PCLO: variants seen among roughly 807,000 people sequenced by gnomAD.
PCLO encodes the protein piccolo presynaptic cytomatrix protein, also known as protein piccolo.
PCLO carries 82 observed loss-of-function variants against 427.5 expected under a neutral mutation model. The ratio of observed to expected loss-of-function variants is 0.19; its 90% CI spans 0.16 to 0.23. The LOEUF (loss-of-function observed/expected upper bound fraction) is 0.23, where lower values mean the gene tolerates loss of function less well. PCLO is among the 10% of genes least tolerant of loss of function. The pLI is 1.00. For missense variants in PCLO, 6,239 were observed against 6,115.9 expected (o/e 1.02, Z -0.67); for synonymous variants, 2,357 against 2,155.4 (o/e 1.09, Z -2.59).
At chr7:82,968,835 T>C (rs1372439175) in intron 3 of PCLO, among the ~76,000 whole-genome samples, 3 of 152,108 alleles carry the variant, frequency 2.0e-5, no homozygotes, top group Non-Finnish European at 4.4e-5. Context: ...CCTGACTTTT[T>C]AAAACACAAA....
At chr7:82,817,658 T>C (rs1271573267) in intron 20 of PCLO, among the ~76,000 whole-genome samples, 3 of 152,164 alleles carry the variant, frequency 2.0e-5, no homozygotes, top group Non-Finnish European at 4.4e-5. Context: ...ATGAGCTTTA[T>C]TGAAAGCGGA....
Position 82,954,086 on chromosome 7 carries a change from A to C in PCLO, c.6867T>G (p.Val2289=). 1 of 1,613,868 alleles carries C rather than the reference A, an allele frequency of 6.2e-7. No individual in the cohort carries two copies. Among genetic ancestry groups the C allele is most frequent in the Non-Finnish European group, 8.5e-7 (1 of 1,179,842 alleles). Residue 2289 remains valine (V), a synonymous_variant, in exon 5 of 25, where the codon GTT becomes GTG. Transcript: ENST00000333891. ...PKPEGPVADT[V]STDLLISEKD... ...TTTCAGATATAAGTAAGTCAGTAGA[A>C]ACAGTGTCAGCAACTGGCCCTTCAG...
intron 3 of PCLO, among the ~76,000 whole-genome samples, chr7:83,053,717 T>C (rs910325927): frequency 6.6e-6 from 1 of 151,958 alleles, no homozygotes; most frequent in Non-Finnish European, 1.5e-5. Context: ...CTAATTATTC[T>C]GAGTTTTCAA....
chr7:82,914,574 A>C (rs1794397584), intron 7 of PCLO, 112 bp downstream of exon 7: 1 of 1,055,422 alleles, frequency 9.5e-7, no homozygotes, highest in Non-Finnish European at 1.4e-6. Flanking sequence ...GTAAACATGC[A>C]AAAGACACAC....
At chr7:82,981,717 A>C (rs574274186) in intron 3 of PCLO, among the ~76,000 whole-genome samples, 6 of 152,192 alleles carry the variant, frequency 3.9e-5, no homozygotes, top group African/African-American at 1.2e-4. Flanking sequence ...TAAAAAAAGG[A>C]GTTATGATGG....
At chr7:83,094,050 T>C (rs992279106) in intron 3 of PCLO, among the ~76,000 whole-genome samples, 18 of 151,994 alleles carry the variant, frequency 1.2e-4, no homozygotes, top group Admixed American at 9.8e-4. Context: ...TATAGCCATG[T>C]GTTGCTTTTT....
At chr7:82,898,976 C>T (rs182775909) in intron 9 of PCLO, among the ~76,000 whole-genome samples, 22 of 151,396 alleles carry the variant, frequency 1.5e-4, no homozygotes, top group African/African-American at 4.1e-4. Context: ...AAGATACACT[C>T]AGTGGTAATT....
In PCLO at chr7:82,915,294, G is replaced by A; in HGVS notation, c.12692C>T (p.Ser4231Phe). 1 of 1,613,616 alleles carries A rather than the reference G, an allele frequency of 6.2e-7. No homozygotes were observed. Among genetic ancestry groups the A allele is most frequent in the Non-Finnish European group, 8.5e-7 (1 of 1,179,716 alleles). ...TSSTSSIGGI[S>F]SRARLLQDDI... ...ATCTTGAAGGAGCCTTGCCCTGGAG[G>A]AAATGCCACCAATAGATGAAGTGCT... is the stretch of plus-strand genomic sequence containing the variant. Residue 4231 changes from serine (S) to phenylalanine (F), a missense_variant, in exon 7 of 25, where the codon TCC becomes TTC. Ser to Phe is a radical substitution (Grantham distance 155). This residue lies in a region of PCLO where 680 missense variants were observed against 677.3 expected (regional missense o/e 1.00). Coordinates refer to ENST00000333891, the MANE Select transcript of PCLO (RefSeq NM_033026.6).
At chr7:82,983,158 G>A (rs1167940542) in intron 3 of PCLO, among the ~76,000 whole-genome samples, 1 of 150,968 alleles carries the variant, frequency 6.6e-6, no homozygotes. Context: ...TTCACATTGA[G>A]TACAAAAAAT....
intron 7 of PCLO, among the ~76,000 whole-genome samples, chr7:82,912,572 T>C (rs1794349201): frequency 6.6e-6 from 1 of 152,034 alleles, no homozygotes; most frequent in South Asian, 2.1e-4. Flanking sequence ...TATTTTAGTT[T>C]AATTTCATTT....
intron 3 of PCLO, among the ~76,000 whole-genome samples, chr7:83,076,147 T>A (rs1789945799): frequency 6.6e-6 from 1 of 152,040 alleles, no homozygotes; most frequent in Admixed American, 6.6e-5. Context: ...AACTCATACC[T>A]TTCGCAAGTC....
intron 10 of PCLO, 54 bp downstream of exon 10, chr7:82,879,283 G>GAGTGCA: frequency 7.2e-7 from 1 of 1,396,114 alleles, no homozygotes; most frequent in South Asian, 1.3e-5. Flanking sequence ...AAATTAAAAT[G>GAGTGCA]TATTTAATAT....
At chr7:82,854,580 TA>T (rs1792753092) in intron 10 of PCLO, among the ~76,000 whole-genome samples, 2 of 152,154 alleles carry the variant, frequency 1.3e-5, no homozygotes, top group African/African-American at 2.4e-5. Context: ...TCTTTTGCTT[TA>T]AGTCACTGTA....
At chr7:82,842,938 T>C (rs1268592729) in intron 13 of PCLO, among the ~76,000 whole-genome samples, 2 of 152,140 alleles carry the variant, frequency 1.3e-5, no homozygotes, top group African/African-American at 2.4e-5. Context: ...AAGGGAACCC[T>C]TGTACACTGT....
At chr7:83,008,174 C>T (rs540652543) in intron 3 of PCLO, among the ~76,000 whole-genome samples, 1 of 151,602 alleles carries the variant, frequency 6.6e-6, no homozygotes, top group African/African-American at 2.4e-5. Context: ...CCACTCTCTT[C>T]CCTGCTGTGA....
chr7:82,901,812 G>C (rs915578717), intron 9 of PCLO, among the ~76,000 whole-genome samples: 8 of 152,054 alleles, frequency 5.3e-5, no homozygotes, highest in African/African-American at 1.2e-4. Flanking sequence ...GCAGACAAAA[G>C]ACAGATGAAA....
chr7:83,056,681 G>A (rs1257066806), intron 3 of PCLO, among the ~76,000 whole-genome samples: 3 of 152,002 alleles, frequency 2.0e-5, no homozygotes, highest in African/African-American at 7.2e-5. Flanking sequence ...GAAGATGAAG[G>A]CTTTAGCACC....
At chr7:83,119,253 T>G (rs1247027126) in intron 3 of PCLO, among the ~76,000 whole-genome samples, 1 of 152,144 alleles carries the variant, frequency 6.6e-6, no homozygotes, top group African/African-American at 2.4e-5. Flanking sequence ...AGTGCAATCC[T>G]AGCTGTGGTG....
chr7:82,993,772 AAG>A (rs1448402402), intron 3 of PCLO, among the ~76,000 whole-genome samples: 1 of 152,096 alleles, frequency 6.6e-6, no homozygotes, highest in Non-Finnish European at 1.5e-5. Context: ...GCAAAGCTGT[AAG>A]ATATTCCTGT....
Sources: gnomAD v4.1 joint callset for allele counts (sites outside exome capture counted in the v4.1 genomes callset) on GRCh38, gnomAD v4.1.1 for gene constraint, gnomAD v4.1.1 regional missense constraint, MANE v1.5 for transcripts, NCBI Gene and HGNC (gene_info 2026-07-23, HGNC 2026-07-21) for gene names.